CD101: variants seen among roughly 807,000 people sequenced by gnomAD.
The protein encoded by CD101 is CD101 molecule, also known as immunoglobulin superfamily member 2.
CD101 carries 76 observed loss-of-function variants against 98.2 expected under a neutral mutation model. The ratio of observed to expected loss-of-function variants is 0.77; its 90% CI spans 0.64 to 0.94. CD101 has a LOEUF of 0.94. CD101 is among the 40% of genes least tolerant of loss of function. The pLI, the probability that CD101 is intolerant of heterozygous loss-of-function variation, is 0.00. For synonymous variants in CD101, 471 were observed against 472.7 expected (o/e 1.00, Z 0.05); for missense variants, 1,145 against 1,218.8 (o/e 0.94, Z 0.90).
chr1:117,032,712 A>C (rs1033772732), intron 8 of CD101, among the ~76,000 whole-genome samples: 1 of 152,262 alleles, frequency 6.6e-6, no homozygotes, highest in Non-Finnish European at 1.5e-5. Flanking sequence ...TAATTGGAAG[A>C]CTACATTTAG....
intron 8 of CD101, among the ~76,000 whole-genome samples, chr1:117,028,538 A>G (rs1654114064): frequency 6.6e-6 from 1 of 152,242 alleles, no homozygotes; most frequent in South Asian, 2.1e-4. Flanking sequence ...GTTGTAGATT[A>G]CAAGTCATCC....
intron 8 of CD101, among the ~76,000 whole-genome samples, chr1:117,031,207 C>A (rs905760697): frequency 3.9e-5 from 6 of 152,170 alleles, no homozygotes; most frequent in Non-Finnish European, 7.4e-5. Flanking sequence ...AAGGGGCACA[C>A]CTTGCCATCC....
Position 117,029,194 on chromosome 1 carries a change from A to AAG in CD101, c.2824+3290_2824+3291insAG, listed in dbSNP as rs1654193006. 8.5e-4 allele frequency among the ~76,000 whole-genome samples: 37 copies of AAG among 43,464 alleles called. 2 individuals carry two copies. The highest frequency in any genetic ancestry group is 2.2e-3 in the Admixed American group (8 of 3,706). 28.5% of individuals were successfully genotyped at this position (43,464 alleles called of 152,430 possible). A position where few individuals can be genotyped will look rare whatever the true frequency, so the allele number is the denominator to read the frequency against. ...AAGAAAGAAAGAAAGAAAGAAAGAAAGAAAGAAAGAAAAGAAAGAAAAGAA... is the reference window on the plus strand; with the variant it reads ...AAGAAAGAAAGAAAGAAAGAAAGAAAAGGAAAGAAAGAAAAGAAAGAAAAGAA... On this transcript the variant is annotated intron_variant, in intron 8 of 9. Transcript: ENST00000682167.
Position 117,013,667 on chromosome 1 carries a change from G to C in CD101, c.1103G>C (p.Gly368Ala). 1 of 1,614,106 alleles carries C rather than the reference G, an allele frequency of 6.2e-7. No individual in the cohort carries two copies. Among genetic ancestry groups the C allele is most frequent in the Non-Finnish European group, 8.5e-7 (1 of 1,180,028 alleles). ...KAFSLKIFSLGPEDEGAYRCV... is the reference protein window; with the variant it reads ...KAFSLKIFSLAPEDEGAYRCV... ...TTCTCTCTCAAGATCTTCTCTCTGG[G>C]CCCAGAGGATGAAGGCGCCTACAGA... The change falls in exon 4 of 10, where the codon GGC (glycine) becomes GCC (alanine). Residue 368 changes from glycine to alanine, a missense_variant. By Grantham distance (60) the Gly-to-Ala change is moderately conservative (BLOSUM62 0). Transcript: ENST00000682167.
intron 1 of CD101, 93 bp from the exon 2 acceptor site, chr1:117,009,757 C>T: frequency 2.2e-6 from 3 of 1,348,224 alleles, no homozygotes; most frequent in Non-Finnish European, 3.0e-6. Context: ...TCTCATTTAC[C>T]AGAATTGTAA....
rs531332153 is a variant in CD101, at chr1:117,004,123, C to T, written c.43+2263C>T. 6.9e-4 allele frequency among the ~76,000 whole-genome samples: 105 copies of T among 152,168 alleles called. No homozygotes were observed. Among genetic ancestry groups the T allele is most frequent in the Non-Finnish European group, 1.1e-3 (74 of 68,012 alleles). On this transcript the variant is annotated intron_variant, in intron 1 of 9. Transcript: ENST00000682167. This position sits in a 1 kb window ranked among gnomAD's most constrained non-coding sequence, Gnocchi z 4.1. ...ATTTCCCCCACCCAAACTAGCTGCC[C>T]TACAAATAATGGCCATTAATATGGC...
rs1038735331 is a variant in CD101, at chr1:117,005,838, G to A, written c.43+3978G>A. Among the ~76,000 whole-genome samples, 23 of 152,216 alleles carry A rather than the reference G, an allele frequency of 1.5e-4. No individual in the cohort carries two copies. The highest frequency in any genetic ancestry group is 2.6e-4 in the Non-Finnish European group (18 of 68,008). On this transcript the variant is annotated intron_variant, in intron 1 of 9. Transcript: ENST00000682167. The surrounding 1 kb of genome is among the most constrained non-coding windows in gnomAD (Gnocchi z 4.4). The stretch of plus-strand genomic sequence containing the variant: ...TGTTCAAGTCTGGCTCAAATCCTAG[G>A]AGTTTTTACATAACTAAATATGGGA...
chr1:117,018,011 A>C lies in CD101; in HGVS notation c.1613-145A>C. ...ACAGTTCAGGACAGACTGTACTGGGAATCAATTTCTACTCTATAAAATAGG... is the reference window on the plus strand; with the variant it reads ...ACAGTTCAGGACAGACTGTACTGGGCATCAATTTCTACTCTATAAAATAGG... On this transcript the variant is annotated intron_variant, in intron 5 of 9. Transcript: ENST00000682167. The surrounding 1 kb of genome is among the most constrained non-coding windows in gnomAD (Gnocchi z 4.3). The C allele has an allele frequency of 1.3e-6, 1 of 794,648 alleles. No individual in the cohort carries two copies. The highest frequency in any genetic ancestry group is 1.7e-5 in the African/African-American group (1 of 57,780). 49.2% of individuals were successfully genotyped at this position (794,648 alleles called of 1,614,324 possible).
At position 117,018,438 on chromosome 1, in the gene CD101, A is replaced by T. The variant is rs1209878034; in HGVS notation, c.1895A>T (p.Glu632Val). The change falls in exon 6 of 10, where the codon GAG (glutamate) becomes GTG (valine). Residue 632 changes from glutamate (E) to valine (V), a missense_variant. By Grantham distance (121) the Glu-to-Val change is moderately radical (BLOSUM62 -2). Coordinates refer to ENST00000682167, the MANE Select transcript of CD101 (RefSeq NM_001256106.3). The surrounding 1 kb of genome is among the most constrained non-coding windows in gnomAD (Gnocchi z 4.3). ...RSQLLVHDAT[E>V]EETGVYQCEV... ...CAACTCCTAGTCCATGATGCCACTG[A>T]GGAAGAGACAGGAGTGTATCAGTGT... 5 of 1,614,130 alleles carry T rather than the reference A, an allele frequency of 3.1e-6. No individual in the cohort carries two copies. The highest frequency in any genetic ancestry group is 4.2e-6 in the Non-Finnish European group (5 of 1,180,054).
At chr1:117,008,690 G>C (rs948152927) in intron 1 of CD101, among the ~76,000 whole-genome samples, 1 of 152,000 alleles carries the variant, frequency 6.6e-6, no homozygotes, top group African/African-American at 2.4e-5. Flanking sequence ...GCCTTATCAT[G>C]TTCTCTGTAA....
Position 117,011,877 on chromosome 1 carries a change from C to A in CD101, c.752C>A (p.Ala251Glu), listed in dbSNP as rs752255701. Residue 251 changes from alanine (A) to glutamate (E), a missense_variant, in exon 3 of 10, where the codon GCA (alanine) becomes GAA (glutamate). Ala to Glu is a moderately radical substitution (Grantham distance 107, BLOSUM62 -1). Transcript: ENST00000682167. ...SSDQGQLFCEATEWIQDPDET... is the reference protein window; with the variant it reads ...SSDQGQLFCEETEWIQDPDET... The stretch of plus-strand genomic sequence containing the variant: ...GATCAGGGTCAGCTGTTCTGTGAGG[C>A]AACGGAATGGATTCAGGATCCAGAT... 50 of 1,613,956 alleles carry A rather than the reference C, an allele frequency of 3.1e-5. No homozygotes were observed. The South Asian group carries it at 4.3e-4, about 14-fold the overall frequency.
intron 8 of CD101, chr1:117,026,484 A>G (rs1200965564): frequency 6.6e-6 from 1 of 152,304 alleles, no homozygotes; most frequent in African/African-American, 2.4e-5. Flanking sequence ...ATTCCTCAGC[A>G]GAAGTTTTCT....
rs1557778936 is a variant in CD101, at chr1:117,029,208, GAAAGAAAA to G, written c.2824+3305_2824+3312del. Among the ~76,000 whole-genome samples, 29 of 46,336 alleles carry G rather than the reference GAAAGAAAA, an allele frequency of 6.3e-4. 1 individual carries two copies. The highest frequency in any genetic ancestry group is 1.0e-3 in the East Asian group (2 of 1,914). 30.4% of individuals were successfully genotyped at this position (46,336 alleles called of 152,430 possible). ...GAAAGAAAGAAAGAAAGAAAGAAAAGAAAGAAAAGAAAGAAAGAAAGAAAGAAAGAAAG... is the reference window on the plus strand; with the variant it reads ...GAAAGAAAGAAAGAAAGAAAGAAAAGGAAAGAAAGAAAGAAAGAAAGAAAG... On this transcript the variant is annotated intron_variant, in intron 8 of 9. Transcript: ENST00000682167.
In CD101 at chr1:117,005,699, C is replaced by T. The variant is rs945203652; in HGVS notation, c.43+3839C>T. Among the ~76,000 whole-genome samples, 1 of 152,146 alleles carries T rather than the reference C, an allele frequency of 6.6e-6. No homozygotes were observed. The highest frequency in any genetic ancestry group is 1.5e-5 in the Non-Finnish European group (1 of 68,022). On this transcript the variant is annotated intron_variant, in intron 1 of 9. Transcript: ENST00000682167. The surrounding 1 kb of genome is among the most constrained non-coding windows in gnomAD (Gnocchi z 4.4). ...CTTCCCAACACTTGTATGTAACTGA[C>T]CTAATCTACATCTAACAGTTCAGAA...
intron 9 of CD101, 42 bp downstream of exon 9, chr1:117,034,176 C>T: frequency 1.9e-6 from 3 of 1,554,518 alleles, no homozygotes; most frequent in Non-Finnish European, 1.7e-6. Context: ...GTGAATGAAT[C>T]CTGGTTCTGT....
rs1232987810 is a variant in CD101 at position 117,011,672 on chromosome 1, A to T, written c.547A>T (p.Thr183Ser). 1 of 1,614,112 alleles carries T rather than the reference A, an allele frequency of 6.2e-7. No homozygotes were observed. The highest frequency in any genetic ancestry group is 2.2e-5 in the East Asian group (1 of 44,878). ...ATAQHTHLSVTWYLTQDGGGS... is the reference protein window; with the variant it reads ...ATAQHTHLSVSWYLTQDGGGS... Reference sequence around the variant, plus strand: ...AGCCCAACATACTCACCTCTCTGTCACCTGGTACCTAACACAGGATGGAGG... The same window carrying T: ...AGCCCAACATACTCACCTCTCTGTCTCCTGGTACCTAACACAGGATGGAGG... Residue 183 changes from threonine (T) to serine (S), a missense_variant, in exon 3 of 10, where the codon ACC (threonine) becomes TCC (serine). Physicochemically the swap from Thr to Ser is moderately conservative, Grantham distance 58 (BLOSUM62 1). Coordinates refer to ENST00000682167, the MANE Select transcript of CD101 (RefSeq NM_001256106.3).
chr1:117,019,883 A>G lies in CD101; in HGVS notation c.2017+1323A>G, dbSNP rs1570730046. 1.3e-5 allele frequency among the ~76,000 whole-genome samples: 2 copies of G among 152,302 alleles called. No individual in the cohort carries two copies. Among genetic ancestry groups the G allele is most frequent in the South Asian group, 4.1e-4 (2 of 4,828 alleles). On this transcript the variant is annotated intron_variant, in intron 6 of 9. Coordinates refer to ENST00000682167, the MANE Select transcript of CD101 (RefSeq NM_001256106.3). This position sits in a 1 kb window ranked among gnomAD's most constrained non-coding sequence, Gnocchi z 4.3. ...ATCACAACTCTTATGTTCACCTTGT[A>G]TCTAAACTCCCACAGTGTGACATGC... is the stretch of plus-strand genomic sequence containing the variant.
Position 117,005,991 on chromosome 1 carries a change from T to C in CD101, c.44-3859T>C, listed in dbSNP as rs1027941136. On this transcript the variant is annotated intron_variant, in intron 1 of 9. Transcript: ENST00000682167. The surrounding 1 kb of genome is among the most constrained non-coding windows in gnomAD (Gnocchi z 4.4). ...ATCTATATTTAAATATTTCAAAATG[T>C]TTGCTGGATATCCTTCCTGTCTATT... is the stretch of plus-strand genomic sequence containing the variant. Among the ~76,000 whole-genome samples the C allele has an allele frequency of 2.6e-5, 4 of 152,164 alleles. No homozygotes were observed. Among genetic ancestry groups the C allele is most frequent in the Admixed American group, 2.6e-4 (4 of 15,266 alleles).
chr1:117,035,363 C>T (rs192300788), intron 9 of CD101, among the ~76,000 whole-genome samples: 2 of 152,250 alleles, frequency 1.3e-5, no homozygotes, highest in East Asian at 3.9e-4. Context: ...TAATTAGTTC[C>T]TTCCTAAGGG....
Sources: gnomAD v4.1 joint callset for allele counts (sites outside exome capture counted in the v4.1 genomes callset) on GRCh38, gnomAD v4.1.1 for gene constraint, Gnocchi (gnomAD v3.1) non-coding constraint, MANE v1.5 for transcripts, NCBI Gene and HGNC (gene_info 2026-07-23, HGNC 2026-07-21) for gene names.